QRFPR: variants seen among roughly 807,000 people sequenced by gnomAD.
QRFPR encodes pyroglutamylated RFamide peptide receptor.
A neutral mutation model predicts 31.3 loss-of-function variants in QRFPR; 37 were observed. The ratio of observed to expected loss-of-function variants is 1.18; its 90% CI spans 0.91 to 1.56. The LOEUF (loss-of-function observed/expected upper bound fraction) is 1.56. QRFPR is among the 40% of genes most tolerant of loss of function. The pLI, the probability that QRFPR is intolerant of heterozygous loss-of-function variation, is 0.00. For synonymous variants in QRFPR, 197 were observed against 192.0 expected (o/e 1.03, Z -0.22); for missense variants, 542 against 532.5 (o/e 1.02, Z -0.18).
chr4:121,330,478 G>A lies in QRFPR; in HGVS notation c.843C>T (p.Leu281=), dbSNP rs1366999672. The A allele has an allele frequency of 2.5e-6, 4 of 1,613,884 alleles. No homozygotes were observed. The highest frequency in any genetic ancestry group is 3.4e-6 in the Non-Finnish European group (4 of 1,179,896). The part of the protein sequence containing the change: ...AVIMMVTVVA[L]FAVCWAPFHV... ...GGAATGGTGCCCAGCACACAGCAAA[G>A]AGAGCCACCACTGTCACCATCATAA... Residue 281 remains leucine, a synonymous_variant, in exon 5 of 6, where the codon CTC becomes CTT. Transcript: ENST00000394427.
chr4:121,332,402 G>A (rs1725343599), intron 4 of QRFPR, among the ~76,000 whole-genome samples: 1 of 152,078 alleles, frequency 6.6e-6, no homozygotes, highest in South Asian at 2.1e-4. Context: ...ATTATCCTTG[G>A]GTGGGATTAA....
chr4:121,380,186 G>GGAGAGAGAGGGGGAGAGAGA (rs1553948896), intron 1 of QRFPR, 122 bp downstream of exon 1: 3 of 236,490 alleles, frequency 1.3e-5, no homozygotes, highest in Admixed American at 1.1e-4. Context: ...AGACGAGAGA[G>GGAGAGAGAGGGGGAGAGAGA]GAGAGAGAGA....
intron 1 of QRFPR, among the ~76,000 whole-genome samples, chr4:121,353,540 C>A (rs1366281354): frequency 1.3e-5 from 2 of 152,038 alleles, no homozygotes; most frequent in Non-Finnish European, 2.9e-5. Flanking sequence ...CTATTCAGAT[C>A]TTTTGCCCAT....
rs1037697401 is a variant in QRFPR at position 121,329,462 on chromosome 4, A to G, written c.1148T>C (p.Val383Ala). The change falls in exon 6 of 6, where the codon GTG becomes GCG. Residue 383 changes from valine to alanine, a missense_variant. Physicochemically the swap from Val to Ala is moderately conservative, Grantham distance 64. Transcript: ENST00000394427. ...KAKFSLRENP[V>A]EETKGEAFSD... ...GAATGCTTCTCCTTTGGTTTCCTCC[A>G]CTGGATTCTCTCTGAGGGAAAACTT... 1 of 1,613,962 alleles carries G rather than the reference A, an allele frequency of 6.2e-7. No individual in the cohort carries two copies. Among genetic ancestry groups the G allele is most frequent in the Non-Finnish European group, 8.5e-7 (1 of 1,180,018 alleles).
At chr4:121,333,662 C>T (rs948549698) in intron 3 of QRFPR, among the ~76,000 whole-genome samples, 3 of 152,114 alleles carry the variant, frequency 2.0e-5, no homozygotes, top group Non-Finnish European at 4.4e-5. Context: ...CAGATTGTAC[C>T]TGCTGGTTTA....
chr4:121,346,292 G>A (rs886202758), intron 1 of QRFPR, among the ~76,000 whole-genome samples: 6 of 152,124 alleles, frequency 3.9e-5, no homozygotes, highest in Non-Finnish European at 7.4e-5. Context: ...GCACAGACCT[G>A]GGGGTGGAGC....
intron 1 of QRFPR, among the ~76,000 whole-genome samples, chr4:121,357,031 T>C (rs1725883965): frequency 6.6e-6 from 1 of 152,164 alleles, no homozygotes; most frequent in African/African-American, 2.4e-5. Flanking sequence ...AGTTACTCTA[T>C]ACTAATGCAC....
intron 3 of QRFPR, among the ~76,000 whole-genome samples, chr4:121,335,186 AT>A (rs966296622): frequency 1.3e-5 from 2 of 152,078 alleles, no homozygotes; most frequent in Non-Finnish European, 2.9e-5. Context: ...TATTTAGGGT[AT>A]TTTTTAAACA....
intron 1 of QRFPR, 30 bp downstream of exon 1, chr4:121,380,278 A>T (rs746302330): frequency 6.9e-7 from 1 of 1,450,010 alleles, no homozygotes; most frequent in East Asian, 2.7e-5. Flanking sequence ...TTAAGAGAGA[A>T]GGAGCGAAGG....
In QRFPR at chr4:121,329,619, C is replaced by A. The variant is rs868571522; in HGVS notation, c.991G>T (p.Val331Phe). Residue 331 changes from valine to phenylalanine, a missense_variant, in exon 6 of 6, where the codon GTC becomes TTC. By Grantham distance (50) the Val-to-Phe change is conservative. Transcript: ENST00000394427. ...AAGTTTTCATTCATAAATGCATAGA[C>A]AATGGGATTACAGATGGAGTTGGAA... The part of the protein sequence containing the change: ...GFSNSICNPI[V>F]YAFMNENFKK... The A allele has an allele frequency of 3.1e-6, 5 of 1,610,878 alleles. No homozygotes were observed. The highest frequency in any genetic ancestry group is 4.2e-6 in the Non-Finnish European group (5 of 1,178,686).
chr4:121,330,402 C>G lies in QRFPR; in HGVS notation c.895+24G>C, dbSNP rs760609617. On this transcript the variant is annotated intron_variant, in intron 5 of 5. Coordinates refer to ENST00000394427, the MANE Select transcript of QRFPR (RefSeq NM_198179.3). ...GCAGGAAATGAATGAGAATGTCTAT[C>G]AAATGAGAATGACAAGCACTCACTG... 3 of 1,478,466 alleles carry G rather than the reference C, an allele frequency of 2.0e-6. No homozygotes were observed. In the Admixed American group the frequency reaches 5.0e-5, roughly 25 times the overall value. The allele number at this position is 1,478,466 out of a possible 1,614,324, so 91.6% of individuals were successfully genotyped here. A position where few individuals can be genotyped will look rare whatever the true frequency, so the allele number is the denominator to read the frequency against.
At chr4:121,356,402 C>A (rs1560740387) in intron 1 of QRFPR, among the ~76,000 whole-genome samples, 1 of 152,112 alleles carries the variant, frequency 6.6e-6, no homozygotes, top group South Asian at 2.1e-4. Context: ...CTCTGTCACT[C>A]CAGGACTGGT....
At chr4:121,348,187 G>A (rs1228578545) in intron 1 of QRFPR, among the ~76,000 whole-genome samples, 1 of 152,074 alleles carries the variant, frequency 6.6e-6, no homozygotes, top group Non-Finnish European at 1.5e-5. Context: ...TTACTTCACT[G>A]TGTCTTGGGT....
intron 1 of QRFPR, among the ~76,000 whole-genome samples, chr4:121,361,426 C>A (rs1725989859): frequency 6.7e-6 from 1 of 150,082 alleles, no homozygotes; most frequent in Admixed American, 6.6e-5. Flanking sequence ...AGATACGCAG[C>A]CATGGTCTAT....
chr4:121,329,397 C>G lies in QRFPR; in HGVS notation c.1213G>C (p.Glu405Gln). ...NIEVKLCEQTEEKKKLKRHLA... is the reference protein window; with the variant it reads ...NIEVKLCEQTQEKKKLKRHLA... ...TGTCGTTTGAGCTTTTTCTTCTCCT[C>G]TGTCTGTTCACACAATTTGACTTCA... The change falls in exon 6 of 6, where the codon GAG (glutamate) becomes CAG (glutamine). Residue 405 changes from glutamate (E) to glutamine (Q), a missense_variant. Coordinates refer to ENST00000394427, the MANE Select transcript of QRFPR (RefSeq NM_198179.3). The G allele has an allele frequency of 6.2e-7, 1 of 1,614,120 alleles. No homozygotes were observed. Among genetic ancestry groups the G allele is most frequent in the Non-Finnish European group, 8.5e-7 (1 of 1,179,978 alleles).
At chr4:121,331,656 ATTG>A (rs1477784515) in intron 4 of QRFPR, among the ~76,000 whole-genome samples, 80 of 141,860 alleles carry the variant, frequency 5.6e-4, no homozygotes, top group African/African-American at 2.1e-3. Flanking sequence ...TATTATTATT[ATTG>A]TTATTATTAT....
At chr4:121,331,932 C>A (rs576973689) in intron 4 of QRFPR, among the ~76,000 whole-genome samples, 1 of 152,242 alleles carries the variant, frequency 6.6e-6, no homozygotes, top group East Asian at 1.9e-4. Flanking sequence ...TGATTACAGG[C>A]GTGAGCCGCT....
At chr4:121,377,301 C>T (rs539448415) in intron 1 of QRFPR, among the ~76,000 whole-genome samples, 18 of 152,250 alleles carry the variant, frequency 1.2e-4, no homozygotes, top group East Asian at 3.9e-4. Flanking sequence ...TTCCTTTTGT[C>T]GCCGTTGCTT....
In QRFPR at chr4:121,370,279, G is replaced by T. The variant is rs568415900; in HGVS notation, c.340+10029C>A. Reference sequence around the variant, plus strand: ...AGTGCCCGGCGGTATATCCTGAAGGGCAGGGACATCTTGCCTAGAGGCCCA... The same window carrying T: ...AGTGCCCGGCGGTATATCCTGAAGGTCAGGGACATCTTGCCTAGAGGCCCA... On this transcript the variant is annotated intron_variant, in intron 1 of 5. Transcript: ENST00000394427. 674 of 784,832 alleles carry T rather than the reference G, an allele frequency of 8.6e-4. 2 individuals are homozygous for T. The highest frequency in any genetic ancestry group is 1.0e-3 in the Non-Finnish European group (441 of 427,996). The allele number at this position is 784,832 out of a possible 1,614,324, so 48.6% of individuals were successfully genotyped here. A position where few individuals can be genotyped will look rare whatever the true frequency, so the allele number is the denominator to read the frequency against.
Sources: allele counts gnomAD v4.1 joint callset (sites outside exome capture counted in the v4.1 genomes callset), GRCh38; gene constraint gnomAD v4.1.1; transcripts MANE v1.5; gene names NCBI Gene and HGNC (gene_info 2026-07-23, HGNC 2026-07-21).